RORA: variants seen among roughly 807,000 people sequenced by gnomAD.
RORA encodes nuclear receptor ROR-alpha.
In RORA, 7 loss-of-function variants were observed where a neutral mutation model predicts 69.5. The observed-to-expected ratio is 0.10, with a 90% CI of 0.06 to 0.19. The LOEUF (loss-of-function observed/expected upper bound fraction) is 0.19. RORA is among the 10% of genes least tolerant of loss of function. The pLI is 1.00. For missense variants in RORA, 457 were observed against 663.0 expected, an observed-to-expected ratio of 0.69 and a Z score of 3.41; for synonymous variants, 261 against 240.8, an observed-to-expected ratio of 1.08 and a Z score of -0.78.
intron 1 of RORA, among the ~76,000 whole-genome samples, chr15:60,939,918 A>T (rs1257175952): frequency 6.6e-6 from 1 of 152,232 alleles, no homozygotes; most frequent in East Asian, 1.9e-4. Context: ...TACTATAAAT[A>T]TTGGATACTG....
At chr15:61,141,048 G>C (rs1283989040) in intron 1 of RORA, among the ~76,000 whole-genome samples, 1 of 152,072 alleles carries the variant, frequency 6.6e-6, no homozygotes, top group East Asian at 1.9e-4. Context: ...TTATCTGTTA[G>C]TATCACAACG....
At chr15:60,616,888 C>T (rs943052716) in intron 2 of RORA, among the ~76,000 whole-genome samples, 1 of 152,180 alleles carries the variant, frequency 6.6e-6, no homozygotes, top group Non-Finnish European at 1.5e-5. Flanking sequence ...TCACGTCTAC[C>T]TCTATAAGTA....
At chr15:60,875,364 T>C (rs1437833148) in intron 1 of RORA, among the ~76,000 whole-genome samples, 3 of 152,218 alleles carry the variant, frequency 2.0e-5, no homozygotes, top group African/African-American at 7.2e-5. Context: ...ACACAACCTA[T>C]ACAATTTAAT....
chr15:61,059,297 T>C (rs2078137718), intron 1 of RORA, among the ~76,000 whole-genome samples: 1 of 152,214 alleles, frequency 6.6e-6, no homozygotes, highest in South Asian at 2.1e-4. Context: ...ACCAAGATCC[T>C]TGCCTACTGA....
intron 1 of RORA, among the ~76,000 whole-genome samples, chr15:60,788,216 C>T (rs2072366019): frequency 6.6e-6 from 1 of 152,212 alleles, no homozygotes; most frequent in African/African-American, 2.4e-5. Context: ...ATCCACTCCA[C>T]TGACATTTAT....
Position 60,904,150 on chromosome 15 carries a change from T to A in RORA, c.167-225464A>T, listed in dbSNP as rs1891467036. 2.0e-5 allele frequency among the ~76,000 whole-genome samples: 3 copies of A among 152,202 alleles called. No individual in the cohort carries two copies. In the South Asian group the frequency reaches 6.2e-4, roughly 32 times the overall value. ...CGTAATATATTTGAAATAAGCCAATTATTATGCCATTTGAACATCTATCCT... is the reference window on the plus strand; with the variant it reads ...CGTAATATATTTGAAATAAGCCAATAATTATGCCATTTGAACATCTATCCT... On this transcript the variant is annotated intron_variant, in intron 1 of 10. Transcript: ENST00000335670.
chr15:61,158,194 G>A (rs1337224663), intron 1 of RORA, among the ~76,000 whole-genome samples: 4 of 152,178 alleles, frequency 2.6e-5, no homozygotes, highest in African/African-American at 7.2e-5. Flanking sequence ...CCTGACAGAT[G>A]TGATCCCTGG....
At chr15:60,769,102 A>G (rs746354355) in intron 1 of RORA, among the ~76,000 whole-genome samples, 1 of 152,204 alleles carries the variant, frequency 6.6e-6, no homozygotes, top group Non-Finnish European at 1.5e-5. Flanking sequence ...CCTGGTGTGA[A>G]CAGAGAGTAA....
chr15:61,225,210 T>C (rs1187792435), intron 1 of RORA, among the ~76,000 whole-genome samples: 1 of 152,206 alleles, frequency 6.6e-6, no homozygotes, highest in Non-Finnish European at 1.5e-5. Context: ...ATTAAAGTCC[T>C]TTAGTTTAAA....
chr15:61,059,325 G>A (rs190740935), intron 1 of RORA, among the ~76,000 whole-genome samples: 71 of 152,336 alleles, frequency 4.7e-4, no homozygotes, highest in African/African-American at 1.7e-3. Context: ...ATAAGATGTA[G>A]GCCAATGGGG....
chr15:60,695,751 T>A (rs1362612040), intron 1 of RORA, among the ~76,000 whole-genome samples: 1 of 152,162 alleles, frequency 6.6e-6, no homozygotes, highest in Admixed American at 6.5e-5. Flanking sequence ...CCCACAGCTA[T>A]GCTTCCTGTG....
Position 60,827,627 on chromosome 15 carries a change from C to A in RORA, c.167-148941G>T, listed in dbSNP as rs556915729. 5.3e-5 allele frequency among the ~76,000 whole-genome samples: 8 copies of A among 152,318 alleles called. No homozygotes were observed. The East Asian group carries it at 1.5e-3, about 29-fold the overall frequency. On this transcript the variant is annotated intron_variant, in intron 1 of 10. Transcript: ENST00000335670. ...CTTGGAAGGCCAGGACCCCAGATTC[C>A]TGCTGCTGGGACATGGCGGGTGTTG... is the stretch of plus-strand genomic sequence containing the variant.
intron 2 of RORA, among the ~76,000 whole-genome samples, chr15:60,608,406 C>G (rs763738245): frequency 2.6e-5 from 4 of 152,128 alleles, no homozygotes; most frequent in Non-Finnish European, 4.4e-5. Flanking sequence ...GACCAAAAAT[C>G]CAGCAGGCAG....
intron 1 of RORA, among the ~76,000 whole-genome samples, chr15:60,709,138 G>C (rs2071108904): frequency 6.6e-6 from 1 of 152,096 alleles, no homozygotes; most frequent in African/African-American, 2.4e-5. Flanking sequence ...ATCCGTGGTG[G>C]GATTCTACAA....
At chr15:60,536,738 C>T (rs1332746577) in intron 2 of RORA, among the ~76,000 whole-genome samples, 6 of 152,220 alleles carry the variant, frequency 3.9e-5, no homozygotes, top group Admixed American at 3.9e-4. Context: ...GGCCAATGGC[C>T]GAACCTTGGG....
At chr15:60,913,888 C>G (rs561646143) in intron 1 of RORA, among the ~76,000 whole-genome samples, 9 of 152,152 alleles carry the variant, frequency 5.9e-5, no homozygotes, top group African/African-American at 2.2e-4. Flanking sequence ...CTCATAGTTC[C>G]CTCCAAACAA....
At position 60,870,409 on chromosome 15, in the gene RORA, G is replaced by GT. The variant is rs201559256; in HGVS notation, c.167-191724dup. 1.4e-3 allele frequency among the ~76,000 whole-genome samples: 218 copies of GT among 152,296 alleles called. 1 individual carries two copies. The highest frequency in any genetic ancestry group is 4.0e-3 in the African/African-American group (165 of 41,560). On this transcript the variant is annotated intron_variant, in intron 1 of 10. Coordinates refer to ENST00000335670, the MANE Select transcript of RORA (RefSeq NM_134261.3). ...GAGAAATAATGTCTTCTGTTTACAG[G>GT]TATCTACCAGGTTGTACGGAAGAAG... is the stretch of plus-strand genomic sequence containing the variant.
At chr15:60,668,175 G>C (rs886591511) in intron 2 of RORA, among the ~76,000 whole-genome samples, 2 of 152,110 alleles carry the variant, frequency 1.3e-5, no homozygotes, top group Non-Finnish European at 2.9e-5. Context: ...CTCACTCCAC[G>C]TAGATCAGTT....
intron 1 of RORA, among the ~76,000 whole-genome samples, chr15:60,841,572 G>A (rs2073198952): frequency 6.6e-6 from 1 of 152,202 alleles, no homozygotes; most frequent in South Asian, 2.1e-4. Flanking sequence ...GAGTAAAAAT[G>A]CTATTGAGAA....
Sources: allele counts gnomAD v4.1 joint callset (sites outside exome capture counted in the v4.1 genomes callset), GRCh38; gene constraint gnomAD v4.1.1; transcripts MANE v1.5; gene names NCBI Gene and HGNC (gene_info 2026-07-23, HGNC 2026-07-21).